DMPK: variants seen among roughly 807,000 people sequenced by gnomAD.
DMPK encodes DM1 protein kinase.
A neutral mutation model predicts 70.3 loss-of-function variants in DMPK; 32 were observed. That is an observed-to-expected ratio of 0.46 (90% CI 0.34 to 0.61). DMPK has a LOEUF of 0.61. Ranked by LOEUF, DMPK falls within the 20% of genes least tolerant of loss-of-function variation. DMPK has a pLI of 0.01. For missense variants in DMPK, 899 were observed against 886.0 expected, an observed-to-expected ratio of 1.01 and a Z score of -0.19; for synonymous variants, 469 against 390.9, an observed-to-expected ratio of 1.20 and a Z score of -2.36.
intron 9 of DMPK, among the ~76,000 whole-genome samples, chr19:45,773,496 C>A (rs867366175): frequency 6.6e-6 from 1 of 152,148 alleles, no homozygotes; most frequent in East Asian, 1.9e-4. Flanking sequence ...GGGAAAAAAA[C>A]AAACCAAAAA....
rs1970001850 is a variant in DMPK at position 45,779,595 on chromosome 19, C to G, written c.253-73G>C. ...GGGCTCGCCCAGACCCAACTCCACC[C>G]GCTTCTGCACCCAGCCGTGGCCCCG... On this transcript the variant is annotated intron_variant, in intron 2 of 14. Transcript: ENST00000291270. 2.5e-6 allele frequency: 4 copies of G among 1,591,092 alleles called. No individual in the cohort carries two copies. The Admixed American group carries it at 5.1e-5, about 20-fold the overall frequency.
At chr19:45,781,707 G>A (rs1013345438) in intron 1 of DMPK, among the ~76,000 whole-genome samples, 3 of 152,242 alleles carry the variant, frequency 2.0e-5, no homozygotes, top group African/African-American at 7.2e-5. Context: ...CACCTGTTGG[G>A]GCAGCTGGAG....
rs191664249 is a variant in DMPK, at chr19:45,775,222, C to T, written c.1147-188G>A. The T allele has an allele frequency of 3.5e-4, 191 of 549,230 alleles. 1 individual carries two copies. In the East Asian group the frequency reaches 3.8e-3, roughly 11 times the overall value. 34.0% of individuals were successfully genotyped at this position (549,230 alleles called of 1,614,324 possible). Reference sequence around the variant, plus strand: ...TCGCTCTGTTACCCAGGCTGGAGTGCAGTGGTGCAATCTCAGCTCACTGCA... The same window carrying T: ...TCGCTCTGTTACCCAGGCTGGAGTGTAGTGGTGCAATCTCAGCTCACTGCA... On this transcript the variant is annotated intron_variant, in intron 8 of 14. Coordinates refer to ENST00000291270, the MANE Select transcript of DMPK (RefSeq NM_004409.5).
Position 45,779,430 on chromosome 19 carries a change from G to A in DMPK, c.336+9C>T, listed in dbSNP as rs913425396. On this transcript the variant is annotated intron_variant, in intron 3 of 14. Transcript: ENST00000291270. Reference sequence around the variant, plus strand: ...CCTCAAAGCCCCCCACGTCCGCCCAGCCCCTCACCTCGCCCCTCTTCAGCA... The same window carrying A: ...CCTCAAAGCCCCCCACGTCCGCCCAACCCCTCACCTCGCCCCTCTTCAGCA... 6.2e-7 allele frequency: 1 copy of A among 1,613,782 alleles called. No homozygotes were observed. The highest frequency in any genetic ancestry group is 1.3e-5 in the African/African-American group (1 of 74,866).
intron 12 of DMPK, 83 bp from the exon 13 acceptor site, chr19:45,771,479 C>T (rs536937476): frequency 6.8e-6 from 11 of 1,609,792 alleles, no homozygotes; most frequent in Non-Finnish European, 9.3e-6. Context: ...TGGGTCCCTT[C>T]CCTCCTCCAG....
chr19:45,776,134 ATTTTTT>A (rs534946812), intron 8 of DMPK, among the ~76,000 whole-genome samples: 74 of 48,350 alleles, frequency 1.5e-3, no homozygotes, highest in African/African-American at 5.9e-3. Flanking sequence ...GGTCCAGCCT[ATTTTTT>A]TTTTTTTTTT....
In DMPK at chr19:45,771,775, C is replaced by A. The variant is rs758732755; in HGVS notation, c.1498G>T (p.Ala500Ser). The A allele has an allele frequency of 2.5e-6, 4 of 1,574,934 alleles. No individual in the cohort carries two copies. The African/African-American group carries it at 4.0e-5, about 16-fold the overall frequency. ...GGCCCCGGCCCCGATCCCGACCTGG[C>A]GAAGTTCTGGTTGTCCGTGCGGATG... The part of the protein sequence containing the change: ...EAIRTDNQNF[A>S]SQLREAEARN... The change falls in exon 11 of 15, where the codon GCC (alanine) becomes TCC (serine). Residue 500 changes from alanine (A) to serine (S), a missense_variant. Ala to Ser is a moderately conservative substitution (Grantham distance 99). Coordinates refer to ENST00000291270, the MANE Select transcript of DMPK (RefSeq NM_004409.5).
intron 9 of DMPK, among the ~76,000 whole-genome samples, chr19:45,774,003 C>T (rs919587016): frequency 2.0e-5 from 3 of 147,662 alleles, no homozygotes; most frequent in African/African-American, 7.6e-5. Context: ...GTTGCCCAGG[C>T]TGGAATGCAA....
chr19:45,775,244 T>C, intron 8 of DMPK: 1 of 493,920 alleles, frequency 2.0e-6, no homozygotes, highest in Non-Finnish European at 3.7e-6. Flanking sequence ...CTCAGCTCAC[T>C]GCAACCTCCG....
At chr19:45,771,708 G>A (rs1438183138) in intron 11 of DMPK, 43 bp from the exon 12 acceptor site, 2 of 1,611,726 alleles carry the variant, frequency 1.2e-6, no homozygotes, top group Non-Finnish European at 1.7e-6. Flanking sequence ...GGCCGGACGA[G>A]AGGGGATGCC....
chr19:45,777,853 C>T lies in DMPK; in HGVS notation c.696G>A (p.Val232=), dbSNP rs1236949408. 1 of 1,609,752 alleles carries T rather than the reference C, an allele frequency of 6.2e-7. No individual in the cohort carries two copies. The highest frequency in any genetic ancestry group is 8.5e-7 in the Non-Finnish European group (1 of 1,179,696). Residue 232 remains valine (V), a synonymous_variant, in exon 7 of 15, where the codon GTG becomes GTA. Transcript: ENST00000291270. This position sits in a 1 kb window ranked among gnomAD's most constrained non-coding sequence, Gnocchi z 6.7. ...CGGGGGACAGGTAGTCTGGGGTGCC[C>T]ACAGCCACCAGCGACCGCACCTGGA... The part of the protein sequence containing the change: ...ADGTVRSLVA[V]GTPDYLSPEI...
At chr19:45,779,418 C>A (rs970170368) in intron 3 of DMPK, 21 bp downstream of exon 3, 2 of 1,613,948 alleles carry the variant, frequency 1.2e-6, no homozygotes, top group Non-Finnish European at 1.7e-6. Context: ...CAAAGCCCCC[C>A]ACGTCCGCCC....
chr19:45,779,793 G>C lies in DMPK; in HGVS notation c.237C>G (p.Arg79=). 5 of 1,468,360 alleles carry C rather than the reference G, an allele frequency of 3.4e-6. No homozygotes were observed. The highest frequency in any genetic ancestry group is 4.6e-6 in the Non-Finnish European group (5 of 1,094,068). The allele number at this position is 1,468,360 out of a possible 1,614,324, so 91.0% of individuals were successfully genotyped here. A position where few individuals can be genotyped will look rare whatever the true frequency, so the allele number is the denominator to read the frequency against. Residue 79 remains arginine, a synonymous_variant, in exon 2 of 15, where the codon CGC becomes CGG. Transcript: ENST00000291270. ...DDFEILKVIG[R]GAFSEVAVVK... The stretch of plus-strand genomic sequence containing the variant: ...TTCGGCTTACCTCGCTGAACGCCCC[G>C]CGTCCGATCACCTTCAGAATCTCGA...
Position 45,779,208 on chromosome 19 carries a change from C to G in DMPK, c.432+56G>C, listed in dbSNP as rs1307342147. The G allele has an allele frequency of 8.3e-6, 13 of 1,560,510 alleles. No homozygotes were observed. The East Asian group carries it at 2.9e-4, about 35-fold the overall frequency. On this transcript the variant is annotated intron_variant, in intron 4 of 14. Coordinates refer to ENST00000291270, the MANE Select transcript of DMPK (RefSeq NM_004409.5). ...GAGCTTCCTCTCCCCACCTCCTCGTCCAGTGACAGCACGGGCTCTTGTCCC... is the reference window on the plus strand; with the variant it reads ...GAGCTTCCTCTCCCCACCTCCTCGTGCAGTGACAGCACGGGCTCTTGTCCC...
At chr19:45,774,796 A>T (rs1600428122) in intron 9 of DMPK, among the ~76,000 whole-genome samples, 153 bp downstream of exon 9, 1 of 152,314 alleles carries the variant, frequency 6.6e-6, no homozygotes, top group East Asian at 1.9e-4. Flanking sequence ...CTGAAAATTT[A>T]AGGTCCTCCA....
intron 9 of DMPK, among the ~76,000 whole-genome samples, chr19:45,774,497 C>G (rs967523430): frequency 6.6e-6 from 1 of 151,596 alleles, no homozygotes; most frequent in Non-Finnish European, 1.5e-5. Flanking sequence ...CTCCTGACCT[C>G]ATGATCCACC....
rs1445378586 is a variant in DMPK, at chr19:45,777,559, C to T, written c.914G>A (p.Gly305Glu). ...EHLSLPLVDE[G>E]VPEEARDFIQ... ...GAAGTCTCGAGCCTCCTCAGGGACC[C>T]CTTCGTCCACCAGCGGCAGAGAGAG... The change falls in exon 8 of 15, where the codon GGG becomes GAG. Residue 305 changes from glycine (G) to glutamate (E), a missense_variant. Coordinates refer to ENST00000291270, the MANE Select transcript of DMPK (RefSeq NM_004409.5). This position sits in a 1 kb window ranked among gnomAD's most constrained non-coding sequence, Gnocchi z 6.7. The T allele has an allele frequency of 1.9e-6, 3 of 1,613,458 alleles. No individual in the cohort carries two copies. Among genetic ancestry groups the T allele is most frequent in the Admixed American group, 3.3e-5 (2 of 59,994 alleles).
intron 9 of DMPK, among the ~76,000 whole-genome samples, chr19:45,774,565 A>G (rs2146238080): frequency 6.6e-6 from 1 of 152,280 alleles, no homozygotes; most frequent in East Asian, 1.9e-4. Flanking sequence ...GCCCGCCTAA[A>G]TTAATACTTT....
rs2015400415 is a variant in DMPK, at chr19:45,770,061, G to A, written c.*427C>T. 3 of 481,600 alleles carry A rather than the reference G, an allele frequency of 6.2e-6. No homozygotes were observed. The highest frequency in any genetic ancestry group is 7.8e-6 in the Non-Finnish European group (2 of 256,914). The allele number at this position is 481,600 out of a possible 1,614,324, so 29.8% of individuals were successfully genotyped here. ...AGGGCGTCATGCACAAGAAAGCTTTGCACTTTGCGAACCAACGATAGGTGG... is the reference window on the plus strand; with the variant it reads ...AGGGCGTCATGCACAAGAAAGCTTTACACTTTGCGAACCAACGATAGGTGG... On this transcript the variant is annotated 3_prime_UTR_variant, in exon 15 of 15. Coordinates refer to ENST00000291270, the MANE Select transcript of DMPK (RefSeq NM_004409.5).
Sources: gnomAD v4.1 joint callset for allele counts (sites outside exome capture counted in the v4.1 genomes callset) on GRCh38, gnomAD v4.1.1 for gene constraint, Gnocchi (gnomAD v3.1) non-coding constraint, MANE v1.5 for transcripts, NCBI Gene and HGNC (gene_info 2026-07-23, HGNC 2026-07-21) for gene names.